Variants in CFTR observed in about 807,000 individuals in gnomAD.
CFTR encodes cystic fibrosis transmembrane conductance regulator.
Under a neutral mutation model 171.6 loss-of-function variants are expected in CFTR, and 181 were observed. That is an observed-to-expected ratio of 1.05 (90% CI 0.93 to 1.19). CFTR has a LOEUF of 1.19. CFTR is among the 50% of genes most tolerant of loss of function. CFTR has a pLI of 0.00. For missense variants in CFTR, 1,968 were observed against 1,734.7 expected (o/e 1.13, Z -2.39); for synonymous variants, 583 against 608.0 (o/e 0.96, Z 0.60).
chr7:117,609,385 C>T (rs925085555), intron 18 of CFTR, among the ~76,000 whole-genome samples: 2 of 152,124 alleles, frequency 1.3e-5, no homozygotes, highest in Admixed American at 6.6e-5. Context: ...ACATGTGTCA[C>T]TTATGGTAAC....
At chr7:117,624,981 C>T (rs753873344) in intron 21 of CFTR, among the ~76,000 whole-genome samples, 3 of 152,104 alleles carry the variant, frequency 2.0e-5, no homozygotes, top group South Asian at 2.1e-4. Context: ...GGAAAGCCCA[C>T]GACTACAAGG....
intron 11 of CFTR, among the ~76,000 whole-genome samples, chr7:117,581,386 C>CT (rs910419192): frequency 3.8e-4 from 58 of 151,200 alleles, no homozygotes; most frequent in African/African-American, 1.3e-3. Flanking sequence ...TAAAAATCTG[C>CT]TTTTTTTTTG....
At chr7:117,643,548 C>CT (rs1322144671) in intron 23 of CFTR, among the ~76,000 whole-genome samples, 1 of 152,096 alleles carries the variant, frequency 6.6e-6, no homozygotes, top group African/African-American at 2.4e-5. Context: ...TCAACTGGTG[C>CT]TTTTAATTTA....
chr7:117,571,805 C>T (rs1791693660), intron 11 of CFTR, among the ~76,000 whole-genome samples: 1 of 151,974 alleles, frequency 6.6e-6, no homozygotes, highest in Non-Finnish European at 1.5e-5. Flanking sequence ...CATATACTTA[C>T]AACTTCATAC....
chr7:117,623,512 TA>T (rs1265080090), intron 21 of CFTR, among the ~76,000 whole-genome samples: 1 of 152,208 alleles, frequency 6.6e-6, no homozygotes, highest in Non-Finnish European at 1.5e-5. Context: ...AAATGTTTAA[TA>T]GGCACTCTAA....
chr7:117,621,299 A>G (rs1365892027), intron 21 of CFTR, among the ~76,000 whole-genome samples: 1 of 152,110 alleles, frequency 6.6e-6, no homozygotes, highest in African/African-American at 2.4e-5. Context: ...TTTAGCTCTG[A>G]TTTTCTGTGA....
Position 117,542,036 on chromosome 7 carries a change from A to G in CFTR, c.1137A>G (p.Glu379=). The G allele has an allele frequency of 6.4e-7, 1 of 1,570,220 alleles. No homozygotes were observed. The highest frequency in any genetic ancestry group is 8.8e-7 in the Non-Finnish European group (1 of 1,140,262). ...NKIQDFLQKQ[E]YKTLEYNLTT... is the part of the protein sequence containing the mutation. ...AATAGGATTTCTTACAAAAGCAAGA[A>G]TATAAGACATTGGAATATAACTTAA... Residue 379 remains glutamate (E), a synonymous_variant, in exon 9 of 27, where the codon GAA becomes GAG. Coordinates refer to ENST00000003084, the MANE Select transcript of CFTR (RefSeq NM_000492.4).
chr7:117,628,847 G>A (rs1792695087), intron 22 of CFTR, among the ~76,000 whole-genome samples: 1 of 152,050 alleles, frequency 6.6e-6, no homozygotes, highest in Admixed American at 6.6e-5. Context: ...GAATACCATA[G>A]GTAGCTGAAA....
intron 3 of CFTR, among the ~76,000 whole-genome samples, chr7:117,514,236 G>T (rs1214141773): frequency 6.6e-6 from 1 of 151,620 alleles, no homozygotes; most frequent in Non-Finnish European, 1.5e-5. Flanking sequence ...GAACATGCAG[G>T]TTTGTTACAT....
At chr7:117,571,365 A>G (rs1049472679) in intron 11 of CFTR, among the ~76,000 whole-genome samples, 2 of 152,148 alleles carry the variant, frequency 1.3e-5, no homozygotes, top group Non-Finnish European at 2.9e-5. Flanking sequence ...AGTTTTTTTC[A>G]CGGGTTGGAT....
At chr7:117,613,999 CTTTTTTTTTTTTT>C (rs752774658) in intron 20 of CFTR, among the ~76,000 whole-genome samples, 158 of 72,486 alleles carry the variant, frequency 2.2e-3, no homozygotes, top group African/African-American at 7.6e-3. Context: ...GTACAGTAAT[CTTTTTTTTTTTTT>C]TTTTTTTTTT....
At position 117,602,612 on chromosome 7, in the gene CFTR, C is replaced by A. The variant is rs77155344; in HGVS notation, c.2620-214C>A. Among the ~76,000 whole-genome samples, 799 of 152,184 alleles carry A rather than the reference C, an allele frequency of 5.3e-3. 6 individuals carry two copies. The highest frequency in any genetic ancestry group is 0.018 in the African/African-American group (746 of 41,510). ...AATTTACTTCAGTGAAATTTGAATT[C>A]CATTAACTTAATGTGGTCTCATCAC... On this transcript the variant is annotated intron_variant, in intron 15 of 26. Transcript: ENST00000003084.
At chr7:117,604,633 T>C (rs1488992908) in intron 17 of CFTR, among the ~76,000 whole-genome samples, 1 of 152,244 alleles carries the variant, frequency 6.6e-6, no homozygotes, top group African/African-American at 2.4e-5. Flanking sequence ...AAACCCATTA[T>C]ATTTTCTGGG....
chr7:117,562,909 G>T (rs1791538476), intron 11 of CFTR, among the ~76,000 whole-genome samples: 1 of 152,132 alleles, frequency 6.6e-6, no homozygotes, highest in Non-Finnish European at 1.5e-5. Flanking sequence ...TTGGTGCAGG[G>T]TATCATCAGC....
chr7:117,621,308 G>A (rs940744915), intron 21 of CFTR, among the ~76,000 whole-genome samples: 2 of 152,122 alleles, frequency 1.3e-5, no homozygotes, highest in East Asian at 1.9e-4. Flanking sequence ...GATTTTCTGT[G>A]AGTCATAGCA....
chr7:117,566,489 G>T (rs997509711), intron 11 of CFTR, among the ~76,000 whole-genome samples: 3 of 151,346 alleles, frequency 2.0e-5, no homozygotes, highest in African/African-American at 4.9e-5. Context: ...CCTTAAACAA[G>T]AATAAACATC....
chr7:117,507,292 T>C (rs1471009838), intron 2 of CFTR, among the ~76,000 whole-genome samples: 1 of 152,228 alleles, frequency 6.6e-6, no homozygotes, highest in Admixed American at 6.5e-5. Flanking sequence ...TTTTCTTTCA[T>C]AGCTAACATT....
chr7:117,547,717 C>T (rs1458870336), intron 9 of CFTR, among the ~76,000 whole-genome samples: 1 of 152,064 alleles, frequency 6.6e-6, no homozygotes, highest in African/African-American at 2.4e-5. Context: ...CTCTCATGGT[C>T]CCTTTGTTTG....
intron 11 of CFTR, among the ~76,000 whole-genome samples, chr7:117,572,773 A>G (rs1791713977): frequency 6.6e-6 from 1 of 152,140 alleles, no homozygotes. Context: ...AATGACACTA[A>G]CCACCCAATG....
Sources: allele counts gnomAD v4.1 joint callset (sites outside exome capture counted in the v4.1 genomes callset), GRCh38; gene constraint gnomAD v4.1.1; transcripts MANE v1.5; gene names NCBI Gene and HGNC (gene_info 2026-07-23, HGNC 2026-07-21).